GPHN: variants seen among roughly 807,000 people sequenced by gnomAD.
GPHN encodes the protein gephyrin.
A neutral mutation model predicts 95.5 loss-of-function variants in GPHN; 17 were observed. The observed-to-expected ratio is 0.18, with a 90% CI of 0.12 to 0.27. The LOEUF is 0.27. Ranked by LOEUF, GPHN falls within the 10% of genes least tolerant of loss-of-function variation. The probability of loss-of-function intolerance (pLI) is 1.00; values close to 1 mark genes in which losing one functional copy is unlikely to be tolerated. For missense variants in GPHN, 660 were observed against 978.1 expected (o/e 0.67, Z 4.34); for synonymous variants, 320 against 322.5 (o/e 0.99, Z 0.08).
the GPHN span, among the ~76,000 whole-genome samples, chr14:67,671,614 A>G: frequency 6.6e-6 from 1 of 152,218 alleles, no homozygotes; most frequent in Non-Finnish European, 1.5e-5. Context: ...GGCTGGGTAG[A>G]CAACAAAGGT....
the GPHN span, among the ~76,000 whole-genome samples, chr14:67,526,473 A>C: frequency 6.6e-6 from 1 of 152,240 alleles, no homozygotes; most frequent in South Asian, 2.1e-4. Context: ...TGCCAGATGC[A>C]TGGAACTAAG....
chr14:67,688,893 CT>C, the GPHN span, among the ~76,000 whole-genome samples: 2 of 150,152 alleles, frequency 1.3e-5, no homozygotes, highest in African/African-American at 5.0e-5. Flanking sequence ...AATTCATCCC[CT>C]GTCCCCTAAC....
intron 10 of GPHN, among the ~76,000 whole-genome samples, chr14:67,053,314 C>G (rs183710465): frequency 6.6e-6 from 1 of 151,708 alleles, no homozygotes; most frequent in African/African-American, 2.4e-5. Flanking sequence ...TATGAACAAC[C>G]ATCAGAGAAT....
chr14:67,671,694 A>G, the GPHN span, among the ~76,000 whole-genome samples: 1 of 152,318 alleles, frequency 6.6e-6, no homozygotes, highest in Admixed American at 6.5e-5. Context: ...TAAAGAAAAT[A>G]AATGTATTTC....
At chr14:67,208,410 C>T in the GPHN span, 3 of 1,613,788 alleles carry the variant, frequency 1.9e-6, no homozygotes, top group Admixed American at 1.7e-5. Flanking sequence ...GAAAAGATGC[C>T]TGATTTTCAG....
At chr14:66,873,972 G>T (rs1362976617) in intron 4 of GPHN, among the ~76,000 whole-genome samples, 3 of 152,218 alleles carry the variant, frequency 2.0e-5, no homozygotes, top group African/African-American at 4.8e-5. Context: ...ACACCTCCCA[G>T]CAGGGGTTGA....
chr14:66,659,599 T>C (rs1336203923), intron 1 of GPHN, among the ~76,000 whole-genome samples: 1 of 152,170 alleles, frequency 6.6e-6, no homozygotes, highest in Admixed American at 6.5e-5. Context: ...TTTGCAGCTT[T>C]GTTGTTTGTT....
At chr14:66,814,050 T>A (rs1289653889) in intron 3 of GPHN, among the ~76,000 whole-genome samples, 1 of 152,134 alleles carries the variant, frequency 6.6e-6, no homozygotes. Flanking sequence ...TCTACACAGG[T>A]GGCTTTTGCT....
At chr14:66,892,046 G>A (rs1338579626) in intron 5 of GPHN, among the ~76,000 whole-genome samples, 1 of 152,084 alleles carries the variant, frequency 6.6e-6, no homozygotes, top group African/African-American at 2.4e-5. Context: ...AACTGCTATG[G>A]GAAACTATGG....
intron 2 of GPHN, among the ~76,000 whole-genome samples, chr14:66,730,894 C>T (rs2071705366): frequency 6.6e-6 from 1 of 152,156 alleles, no homozygotes; most frequent in African/African-American, 2.4e-5. Flanking sequence ...TTGTAATCCC[C>T]ATGTGTCAAG....
At chr14:67,336,443 A>G in the GPHN span, 8 of 205,228 alleles carry the variant, frequency 3.9e-5, no homozygotes, top group Admixed American at 4.5e-4. Context: ...GCACTTTTGT[A>G]AGTATTTTAA....
chr14:67,543,277 A>G, the GPHN span, among the ~76,000 whole-genome samples: 2 of 152,236 alleles, frequency 1.3e-5, no homozygotes, highest in Non-Finnish European at 2.9e-5. Context: ...AGGACAAATC[A>G]GTGGCATCAC....
chr14:66,907,480 T>C (rs961480051), intron 5 of GPHN, among the ~76,000 whole-genome samples: 2 of 152,162 alleles, frequency 1.3e-5, no homozygotes, highest in African/African-American at 4.8e-5. Flanking sequence ...GTAACACTAT[T>C]TGATATGAAG....
At chr14:67,621,694 C>T in the GPHN span, among the ~76,000 whole-genome samples, 2 of 151,712 alleles carry the variant, frequency 1.3e-5, no homozygotes, top group African/African-American at 4.8e-5. Context: ...ATCCGCCCAC[C>T]TCAGCTTCCC....
chr14:67,320,286 G>A, the GPHN span: 1 of 1,613,580 alleles, frequency 6.2e-7, no homozygotes, highest in Non-Finnish European at 8.5e-7. Flanking sequence ...TCATCAGCCA[G>A]CAAATAGGAA....
the GPHN span, chr14:67,650,323 T>C: frequency 4.0e-6 from 1 of 247,624 alleles, no homozygotes; most frequent in Non-Finnish European, 7.9e-6. Context: ...CATACTTGAT[T>C]CATTTCCAGG....
At chr14:67,531,548 T>C in the GPHN span, among the ~76,000 whole-genome samples, 13 of 151,954 alleles carry the variant, frequency 8.6e-5, no homozygotes, top group East Asian at 2.5e-3. Flanking sequence ...TAACCAGCTA[T>C]AGGGGAGAGC....
At chr14:66,976,117 G>A (rs923029588) in intron 9 of GPHN, among the ~76,000 whole-genome samples, 1 of 152,046 alleles carries the variant, frequency 6.6e-6, no homozygotes, top group Non-Finnish European at 1.5e-5. Flanking sequence ...AGTACATAAA[G>A]TACTAGAGAC....
At chr14:67,212,504 T>C in the GPHN span, among the ~76,000 whole-genome samples, 1 of 150,296 alleles carries the variant, frequency 6.7e-6, no homozygotes, top group African/African-American at 2.5e-5. Context: ...AGTGGAAGGA[T>C]CACCTAATCC....
Sources: gnomAD v4.1 joint callset for allele counts (sites outside exome capture counted in the v4.1 genomes callset) on GRCh38, gnomAD v4.1.1 for gene constraint, MANE v1.5 for transcripts, NCBI Gene and HGNC (gene_info 2026-07-23, HGNC 2026-07-21) for gene names.